The following NAV3 variants were observed in gnomAD, a reference collection of about 807,000 sequenced individuals.
NAV3 encodes the protein pore membrane and/or filament interacting like protein 1.
Under a neutral mutation model 244.7 loss-of-function variants are expected in NAV3, and 87 were observed. That is an observed-to-expected ratio of 0.36 (90% CI 0.30 to 0.42). The LOEUF is 0.42. Ranked by LOEUF, NAV3 falls within the 20% of genes least tolerant of loss-of-function variation. The probability of loss-of-function intolerance (pLI) is 1.00; values close to 1 mark genes in which losing one functional copy is unlikely to be tolerated. For synonymous variants in NAV3, 1,126 were observed against 1,042.2 expected (o/e 1.08, Z -1.55); for missense variants, 2,663 against 2,893.3 (o/e 0.92, Z 1.83).
chr12:77,572,763 G>A (rs1421439762), intron 2 of NAV3, among the ~76,000 whole-genome samples: 2 of 152,334 alleles, frequency 1.3e-5, no homozygotes, highest in East Asian at 1.9e-4. Flanking sequence ...AGACAACTGC[G>A]AGCTTTGTTT....
At chr12:77,576,938 G>A (rs890117198) in intron 2 of NAV3, among the ~76,000 whole-genome samples, 2 of 151,952 alleles carry the variant, frequency 1.3e-5, no homozygotes, top group Non-Finnish European at 2.9e-5. Flanking sequence ...AAACAACATC[G>A]TATCATTTAT....
chr12:77,605,038 T>C (rs187959073), intron 2 of NAV3, among the ~76,000 whole-genome samples: 1 of 152,202 alleles, frequency 6.6e-6, no homozygotes, highest in Admixed American at 6.6e-5. Context: ...GAGGATTCAA[T>C]ACCAAGGGGA....
intron 2 of NAV3, among the ~76,000 whole-genome samples, chr12:77,811,768 G>T (rs1259876382): frequency 6.6e-6 from 1 of 152,170 alleles, no homozygotes; most frequent in Non-Finnish European, 1.5e-5. Context: ...GAAGTGGATA[G>T]GTGGAAAGAA....
At chr12:77,748,087 A>G (rs1394199182) in intron 2 of NAV3, among the ~76,000 whole-genome samples, 1 of 152,246 alleles carries the variant, frequency 6.6e-6, no homozygotes, top group Admixed American at 6.5e-5. Flanking sequence ...ATGTTTCAAA[A>G]GTAATCAGAA....
At chr12:78,145,732 C>A (rs541170791) in intron 20 of NAV3, among the ~76,000 whole-genome samples, 18 of 152,232 alleles carry the variant, frequency 1.2e-4, no homozygotes, top group Non-Finnish European at 2.5e-4. Flanking sequence ...TTGCCAGACA[C>A]TTTTATCACT....
At chr12:78,067,903 G>C (rs1311687922) in intron 12 of NAV3, among the ~76,000 whole-genome samples, 1 of 151,792 alleles carries the variant, frequency 6.6e-6, no homozygotes, top group African/African-American at 2.4e-5. Flanking sequence ...GCTTATAATA[G>C]AATTTACTAA....
At chr12:77,808,437 T>G (rs1872098387) in intron 2 of NAV3, among the ~76,000 whole-genome samples, 1 of 152,230 alleles carries the variant, frequency 6.6e-6, no homozygotes. Context: ...GCCCCTCTGC[T>G]GCCTGTCTGC....
At chr12:77,868,143 G>T (rs1880365092) in intron 1 of NAV3, among the ~76,000 whole-genome samples, 1 of 152,088 alleles carries the variant, frequency 6.6e-6, no homozygotes, top group Non-Finnish European at 1.5e-5. Flanking sequence ...GAGAATACAG[G>T]AGCAGCTTAC....
intron 2 of NAV3, among the ~76,000 whole-genome samples, chr12:77,684,695 A>AT (rs1592579484): frequency 6.6e-6 from 1 of 151,590 alleles, no homozygotes; most frequent in African/African-American, 2.4e-5. Context: ...ATTTATTATA[A>AT]TTTTTTTCTG....
At chr12:77,611,727 A>G (rs924584948) in intron 2 of NAV3, among the ~76,000 whole-genome samples, 5 of 152,052 alleles carry the variant, frequency 3.3e-5, no homozygotes, top group Non-Finnish European at 7.4e-5. Flanking sequence ...AAAAGCGCAT[A>G]CTTTACAATG....
At chr12:78,017,009 G>A (rs889965052) in intron 8 of NAV3, among the ~76,000 whole-genome samples, 3 of 152,068 alleles carry the variant, frequency 2.0e-5, no homozygotes, top group Admixed American at 1.3e-4. Context: ...CTGCAGGGTA[G>A]TAGTTAATAG....
intron 2 of NAV3, among the ~76,000 whole-genome samples, chr12:77,733,834 A>ATTTTT (rs56770236): frequency 2.7e-4 from 34 of 124,176 alleles, no homozygotes; most frequent in African/African-American, 9.9e-4. Context: ...CTTGGTTTAG[A>ATTTTT]TTTTTTTTTT....
intron 8 of NAV3, among the ~76,000 whole-genome samples, chr12:78,019,399 C>T (rs1023883846): frequency 1.3e-5 from 2 of 152,060 alleles, no homozygotes; most frequent in Non-Finnish European, 2.9e-5. Flanking sequence ...ACTGGGGATA[C>T]AATGGTGAGT....
At chr12:78,045,674 G>T (rs1194396841) in intron 9 of NAV3, among the ~76,000 whole-genome samples, 1 of 152,124 alleles carries the variant, frequency 6.6e-6, no homozygotes, top group Non-Finnish European at 1.5e-5. Context: ...TTCATCAGGG[G>T]TATTGGCCTG....
At chr12:77,585,835 C>G (rs1006099048) in intron 2 of NAV3, among the ~76,000 whole-genome samples, 2 of 152,146 alleles carry the variant, frequency 1.3e-5, no homozygotes, top group African/African-American at 4.8e-5. Flanking sequence ...GCTTTTCTGT[C>G]TCTTTACCTC....
chr12:78,189,878 G>T, intron 33 of NAV3, 106 bp from the exon 34 acceptor site: 2 of 771,288 alleles, frequency 2.6e-6, no homozygotes, highest in South Asian at 3.9e-5. Flanking sequence ...ATTTTTCAAG[G>T]ACTCTATTCC....
Position 78,059,042 on chromosome 12 carries a change from C to T in NAV3, c.2563C>T (p.Arg855Ter), listed in dbSNP as rs778210806. The T allele has an allele frequency of 6.2e-7, 1 of 1,610,086 alleles. No homozygotes were observed. The highest frequency in any genetic ancestry group is 8.5e-7 in the Non-Finnish European group (1 of 1,177,906). ...GLNLYTRSLN[R>*]IPDTATSRDI... ...TAACCTATATACTAGAAGTCTGAAC[C>T]GAATACCAGACACAGCAACTTCCCG... is the stretch of plus-strand genomic sequence containing the variant. Residue 855 changes from arginine to a stop codon, truncating the protein, a stop_gained, in exon 12 of 40, where the codon CGA becomes TGA. Transcript: ENST00000397909. LOFTEE classifies it high-confidence loss of function.
chr12:77,637,222 C>G (rs1872198153), intron 2 of NAV3, among the ~76,000 whole-genome samples: 1 of 151,838 alleles, frequency 6.6e-6, no homozygotes, highest in Admixed American at 6.6e-5. Context: ...AAAAAAATGA[C>G]CATAGCAATT....
intron 3 of NAV3, among the ~76,000 whole-genome samples, chr12:77,964,098 T>A (rs1892307494): frequency 6.6e-6 from 1 of 151,496 alleles, no homozygotes; most frequent in Non-Finnish European, 1.5e-5. Flanking sequence ...TCTTTTGCAT[T>A]CCCCTTCTGA....
Sources: allele counts gnomAD v4.1 joint callset (sites outside exome capture counted in the v4.1 genomes callset), GRCh38; gene constraint gnomAD v4.1.1; transcripts MANE v1.5; gene names NCBI Gene and HGNC (gene_info 2026-07-23, HGNC 2026-07-21).